Variants in USP12 observed in about 807,000 individuals in gnomAD.
The protein encoded by USP12 is ubiquitin specific peptidase 12.
Under a neutral mutation model 45.5 loss-of-function variants are expected in USP12, and 19 were observed. The ratio of observed to expected loss-of-function variants is 0.42; its 90% CI spans 0.29 to 0.61. The LOEUF is 0.61. USP12 is among the 20% of genes least tolerant of loss of function. The pLI is 0.22. For missense variants in USP12, 242 were observed against 447.7 expected (o/e 0.54, Z 4.15); for synonymous variants, 149 against 148.8 (o/e 1.00, Z -0.01).
At chr13:27,081,711 AAAT>A (rs2137761166) in intron 6 of USP12, among the ~76,000 whole-genome samples, 1 of 152,354 alleles carries the variant, frequency 6.6e-6, no homozygotes, top group South Asian at 2.1e-4. Context: ...AAAAAATATT[AAAT>A]AATAACAATT....
intron 1 of USP12, among the ~76,000 whole-genome samples, chr13:27,119,967 CCT>C (rs1313780870): frequency 6.6e-6 from 1 of 152,208 alleles, no homozygotes; most frequent in Non-Finnish European, 1.5e-5. Context: ...AGGGTACACT[CCT>C]CTCTCTAGCC....
chr13:27,126,236 C>A (rs923227935), intron 1 of USP12, among the ~76,000 whole-genome samples: 5 of 152,308 alleles, frequency 3.3e-5, no homozygotes, highest in Non-Finnish European at 7.4e-5. Flanking sequence ...CGACAGACAC[C>A]TCATACAGGC....
chr13:27,168,263 G>C (rs887625244), intron 1 of USP12, among the ~76,000 whole-genome samples: 4 of 151,982 alleles, frequency 2.6e-5, no homozygotes, highest in Admixed American at 6.6e-5. Context: ...CAACTTCTCC[G>C]TTGTCTGGTC....
At position 27,148,676 on chromosome 13, in the gene USP12, T is replaced by TTATATATATATATATA. The variant is rs59164229; in HGVS notation, c.48+22900_48+22915dup. ...GTGACAGAGACTCAAAAAAAAAAAATTATATATATATATATAATATAAATA... is the reference window on the plus strand; with the variant it reads ...GTGACAGAGACTCAAAAAAAAAAAATTATATATATATATATATATATATATATATATAATATAAATA... On this transcript the variant is annotated intron_variant, in intron 1 of 8. Coordinates refer to ENST00000282344, the MANE Select transcript of USP12 (RefSeq NM_182488.4). Among the ~76,000 whole-genome samples the TTATATATATATATATA allele has an allele frequency of 3.9e-3, 548 of 139,346 alleles. 4 individuals carry two copies. The highest frequency in any genetic ancestry group is 0.013 in the African/African-American group (506 of 37,598). The allele number at this position is 139,346 out of a possible 152,430, so 91.4% of individuals were successfully genotyped here.
intron 1 of USP12, among the ~76,000 whole-genome samples, chr13:27,160,781 CT>C (rs555444474): frequency 0.039 from 5,534 of 142,852 alleles, 161 homozygotes; most frequent in African/African-American, 0.086. Context: ...CATCATGTTT[CT>C]TTTTTTTTTT....
intron 3 of USP12, among the ~76,000 whole-genome samples, chr13:27,103,607 A>AAAAAAAATAAT (rs372985958): frequency 0.021 from 2,654 of 128,388 alleles, 91 homozygotes; most frequent in African/African-American, 0.074. Context: ...TCAAAAAAAA[A>AAAAAAAATAAT]AATAATAATA....
chr13:27,102,794 G>GT lies in USP12; in HGVS notation c.343+2936_343+2937insA, dbSNP rs574562345. 5.3e-3 allele frequency among the ~76,000 whole-genome samples: 801 copies of GT among 152,270 alleles called. 8 individuals carry two copies. The highest frequency in any genetic ancestry group is 0.019 in the African/African-American group (769 of 41,556). Reference sequence around the variant, plus strand: ...TGATGGCTGTCTGCTTCCCCACGAGGGTGTCAGGTACCTGAAGGCATATTT... The same window carrying GT: ...TGATGGCTGTCTGCTTCCCCACGAGGTGTGTCAGGTACCTGAAGGCATATTT... On this transcript the variant is annotated intron_variant, in intron 3 of 8. Transcript: ENST00000282344.
Position 27,088,187 on chromosome 13 carries a change from G to A in USP12, c.734+1696C>T, listed in dbSNP as rs185767498. On this transcript the variant is annotated intron_variant, in intron 6 of 8. Coordinates refer to ENST00000282344, the MANE Select transcript of USP12 (RefSeq NM_182488.4). The stretch of plus-strand genomic sequence containing the variant: ...TGTAATCCCAGCTCTCTGGGAGGCC[G>A]AGGCAGGCGGATCACGATGTCAGGA... Among the ~76,000 whole-genome samples, 69 of 152,298 alleles carry A rather than the reference G, an allele frequency of 4.5e-4. 1 individual carries two copies. In the East Asian group the frequency reaches 0.012, roughly 27 times the overall value.
chr13:27,070,308 G>A (rs902512995), intron 8 of USP12, among the ~76,000 whole-genome samples: 1 of 152,186 alleles, frequency 6.6e-6, no homozygotes, highest in African/African-American at 2.4e-5. Flanking sequence ...GGTGAGGAAA[G>A]CTGTAAGTTC....
chr13:27,091,613 A>G (rs1319879259), intron 4 of USP12, among the ~76,000 whole-genome samples: 2 of 152,214 alleles, frequency 1.3e-5, no homozygotes, highest in African/African-American at 4.8e-5. Context: ...TCTAAAACTC[A>G]GGGAAGAAGT....
At chr13:27,111,603 TAACA>T (rs764273881) in intron 2 of USP12, among the ~76,000 whole-genome samples, 2 of 152,172 alleles carry the variant, frequency 1.3e-5, no homozygotes, top group African/African-American at 2.4e-5. Flanking sequence ...CTCCAAACCT[TAACA>T]AACATCCCAC....
chr13:27,122,787 A>T (rs1565996331), intron 1 of USP12, among the ~76,000 whole-genome samples: 4 of 152,176 alleles, frequency 2.6e-5, no homozygotes, highest in Non-Finnish European at 5.9e-5. Context: ...ATGAAAACTC[A>T]AGTTTCGTTA....
chr13:27,066,795 C>T lies in USP12; in HGVS notation c.*2488G>A. 6.6e-6 allele frequency: 1 copy of T among 152,150 alleles called. No individual in the cohort carries two copies. The highest frequency in any genetic ancestry group is 1.5e-5 in the Non-Finnish European group (1 of 68,016). The allele number at this position is 152,150 out of a possible 1,614,324, so 9.4% of individuals were successfully genotyped here. ...CCACCACTTACAACTTACACCAGCC[C>T]CGCATTTTAATCACAGTCAACCAAC... On this transcript the variant is annotated 3_prime_UTR_variant, in exon 9 of 9. Coordinates refer to ENST00000282344, the MANE Select transcript of USP12 (RefSeq NM_182488.4).
At chr13:27,069,431 G>C (rs1321553359) in intron 8 of USP12, 47 bp from the exon 9 acceptor site, 1 of 1,349,500 alleles carries the variant, frequency 7.4e-7, no homozygotes, top group African/African-American at 1.4e-5. Flanking sequence ...GCTCTGTACA[G>C]CCAGAATGGC....
intron 6 of USP12, among the ~76,000 whole-genome samples, chr13:27,081,535 G>A (rs1396403225): frequency 2.0e-5 from 3 of 152,252 alleles, no homozygotes; most frequent in African/African-American, 7.2e-5. Context: ...AATGAGGGTT[G>A]GAATGAACTT....
At chr13:27,080,160 A>G (rs750260598) in intron 6 of USP12, among the ~76,000 whole-genome samples, 3 of 152,202 alleles carry the variant, frequency 2.0e-5, no homozygotes, top group Non-Finnish European at 2.9e-5. Flanking sequence ...GCAGGCAGGG[A>G]GGCAGGAGGC....
intron 8 of USP12, 73 bp from the exon 9 acceptor site, chr13:27,069,457 T>G: frequency 2.6e-6 from 3 of 1,145,318 alleles, no homozygotes; most frequent in Non-Finnish European, 3.9e-6. Flanking sequence ...TTTAAAAGAC[T>G]GACAATACCA....
intron 1 of USP12, among the ~76,000 whole-genome samples, chr13:27,165,003 A>T (rs1001226425): frequency 6.6e-6 from 1 of 152,056 alleles, no homozygotes; most frequent in Admixed American, 6.6e-5. Flanking sequence ...TAAGTCCTGA[A>T]GCTAACTTGA....
In USP12 at chr13:27,164,408, T is replaced by C. The variant is rs79162710; in HGVS notation, c.48+7184A>G. Among the ~76,000 whole-genome samples the C allele has an allele frequency of 4.4e-3, 676 of 152,314 alleles. 6 individuals carry two copies. Among genetic ancestry groups the C allele is most frequent in the African/African-American group, 0.015 (642 of 41,558 alleles). ...AGCTTACACATCTCTTCTTTAGACA[T>C]AACATACTGTTTAGAAGAAGCTAAT... On this transcript the variant is annotated intron_variant, in intron 1 of 8. Transcript: ENST00000282344.
Sources: allele counts gnomAD v4.1 joint callset (sites outside exome capture counted in the v4.1 genomes callset), GRCh38; gene constraint gnomAD v4.1.1; transcripts MANE v1.5; gene names NCBI Gene and HGNC (gene_info 2026-07-23, HGNC 2026-07-21).